The following METTL15 variants were observed in gnomAD, a reference collection of about 807,000 sequenced individuals.
METTL15 encodes 12S rRNA N(4)-cytidine methyltransferase METTL15.
A neutral mutation model predicts 38.3 loss-of-function variants in METTL15; 34 were observed. The ratio of observed to expected loss-of-function variants is 0.89; its 90% confidence interval spans 0.68 to 1.18. The LOEUF is 1.18. Ranked by LOEUF, METTL15 falls within the 50% of genes most tolerant of loss-of-function variation. METTL15 has a pLI of 0.00. For synonymous variants in METTL15, 162 were observed against 170.9 expected (o/e 0.95, Z 0.41); for missense variants, 438 against 498.4 (o/e 0.88, Z 1.15).
intron 4 of METTL15, among the ~76,000 whole-genome samples, chr11:28,237,093 T>C (rs1287390741): frequency 2.6e-5 from 4 of 152,248 alleles, no homozygotes; most frequent in Middle Eastern, 3.4e-3. Flanking sequence ...GAGTTGCTCT[T>C]CTCGAGGAGT....
chr11:28,257,809 T>C (rs1590225902), intron 4 of METTL15, among the ~76,000 whole-genome samples: 2 of 152,220 alleles, frequency 1.3e-5, no homozygotes, highest in African/African-American at 2.4e-5. Context: ...TTGAATTTCT[T>C]TGAGTTTCCT....
intron 5 of METTL15, among the ~76,000 whole-genome samples, chr11:28,387,150 T>C (rs1373915910): frequency 6.6e-6 from 1 of 151,352 alleles, no homozygotes; most frequent in Non-Finnish European, 1.5e-5. Flanking sequence ...CTCAGAGAAA[T>C]AGAAAAAGAA....
chr11:28,136,497 A>T (rs1263412539), intron 3 of METTL15, among the ~76,000 whole-genome samples: 1 of 152,182 alleles, frequency 6.6e-6, no homozygotes, highest in Admixed American at 6.5e-5. Flanking sequence ...GGTCTTGGGT[A>T]TATCTTTATT....
At chr11:28,284,814 G>C (rs1856189437) in intron 4 of METTL15, among the ~76,000 whole-genome samples, 1 of 152,144 alleles carries the variant, frequency 6.6e-6, no homozygotes, top group Non-Finnish European at 1.5e-5. Flanking sequence ...ATTTAGAAAA[G>C]AGCAGCCAGC....
At position 28,254,051 on chromosome 11, in the gene METTL15, C is replaced by T. The variant is rs150356506; in HGVS notation, c.408-36155C>T. Among the ~76,000 whole-genome samples, 582 of 152,228 alleles carry T rather than the reference C, an allele frequency of 3.8e-3. 3 individuals carry two copies. The highest frequency in any genetic ancestry group is 6.0e-3 in the Non-Finnish European group (411 of 67,998). On this transcript the variant is annotated intron_variant, in intron 4 of 6. Transcript: ENST00000407364. ...GCTCTATTTTTAGTTTTTTGAGGAA[C>T]CTCCAAACTGTTCTCTATAGGGTTG...
At chr11:28,530,428 A>G (rs1232480289), downstream of METTL15, among the ~76,000 whole-genome samples, 1 of 152,136 alleles carries the variant, frequency 6.6e-6, no homozygotes, top group Non-Finnish European at 1.5e-5. Context: ...TTTTTGACTT[A>G]CTAAAAGGAT....
At chr11:28,435,604 A>T (rs1291057226) in intron 6 of METTL15, among the ~76,000 whole-genome samples, 1 of 152,176 alleles carries the variant, frequency 6.6e-6, no homozygotes, top group Non-Finnish European at 1.5e-5. Flanking sequence ...AGGGGCAGAG[A>T]TGTCTCTCTA....
intron 6 of METTL15, among the ~76,000 whole-genome samples, chr11:28,425,421 G>A (rs1478461220): frequency 6.6e-6 from 1 of 152,156 alleles, no homozygotes; most frequent in Non-Finnish European, 1.5e-5. Flanking sequence ...GACATCTCTT[G>A]TTTGATTTCT....
intron 6 of METTL15, among the ~76,000 whole-genome samples, chr11:28,320,544 T>TGA (rs1849430108): frequency 6.6e-6 from 1 of 151,776 alleles, no homozygotes; most frequent in Non-Finnish European, 1.5e-5. Flanking sequence ...TGGGTGATAG[T>TGA]GAGACCCTGT....
At chr11:28,450,028 G>T (rs2133446770) in intron 6 of METTL15, among the ~76,000 whole-genome samples, 1 of 152,290 alleles carries the variant, frequency 6.6e-6, no homozygotes, top group African/African-American at 2.4e-5. Context: ...GTTTTAAATT[G>T]CTGTATTTTG....
chr11:28,220,380 C>T (rs187038172), intron 4 of METTL15, among the ~76,000 whole-genome samples: 2 of 152,248 alleles, frequency 1.3e-5, no homozygotes, highest in East Asian at 3.9e-4. Context: ...ACTTGGATTG[C>T]AACTCCTGCC....
intron 3 of METTL15, among the ~76,000 whole-genome samples, chr11:28,197,109 GT>G (rs1309595924): frequency 6.6e-6 from 1 of 151,580 alleles, no homozygotes; most frequent in African/African-American, 2.4e-5. Flanking sequence ...ATTCAAAGTT[GT>G]TTTCTTAGTT....
intron 4 of METTL15, among the ~76,000 whole-genome samples, chr11:28,244,873 TAG>T (rs959050422): frequency 2.0e-5 from 3 of 152,218 alleles, no homozygotes; most frequent in African/African-American, 7.2e-5. Flanking sequence ...GAGGAATTAG[TAG>T]AGATATCCTG....
intron 4 of METTL15, among the ~76,000 whole-genome samples, chr11:28,268,607 A>C (rs550629345): frequency 5.9e-5 from 9 of 152,274 alleles, no homozygotes; most frequent in African/African-American, 2.2e-4. Flanking sequence ...TTTCAACTTA[A>C]CAGTTTCAAG....
At chr11:28,210,158 A>G (rs1852567246) in intron 3 of METTL15, among the ~76,000 whole-genome samples, 1 of 151,958 alleles carries the variant, frequency 6.6e-6, no homozygotes, top group South Asian at 2.1e-4. Flanking sequence ...TAAAATAGCC[A>G]AGAAATAGAT....
intron 6 of METTL15, among the ~76,000 whole-genome samples, chr11:28,456,421 GTTTT>G (rs1302954564): frequency 1.1e-3 from 164 of 151,748 alleles, no homozygotes; most frequent in African/African-American, 2.8e-3. Flanking sequence ...CCCCAGGGTT[GTTTT>G]TTTTTTTGTT....
intron 4 of METTL15, among the ~76,000 whole-genome samples, chr11:28,249,567 C>G (rs1406257922): frequency 2.0e-5 from 3 of 151,824 alleles, no homozygotes; most frequent in Non-Finnish European, 4.4e-5. Context: ...AAGGAAGGGT[C>G]AGTAAGTATT....
At chr11:28,526,311 G>A (rs1438253492) in intron 6 of METTL15, among the ~76,000 whole-genome samples, 8 of 152,356 alleles carry the variant, frequency 5.3e-5, no homozygotes, top group African/African-American at 7.2e-5. Context: ...AAGAGTGAGC[G>A]AGGGCTGCGA....
intron 3 of METTL15, among the ~76,000 whole-genome samples, chr11:28,170,779 T>C (rs1162622888): frequency 1.3e-5 from 2 of 152,172 alleles, no homozygotes; most frequent in Non-Finnish European, 2.9e-5. Flanking sequence ...GTCATTTTCA[T>C]CGCTATCTTG....
Sources: allele counts gnomAD v4.1 joint callset (sites outside exome capture counted in the v4.1 genomes callset), GRCh38; gene constraint gnomAD v4.1.1; transcripts MANE v1.5; gene names NCBI Gene and HGNC (gene_info 2026-07-23, HGNC 2026-07-21).